PIAS1: variants seen among roughly 807,000 people sequenced by gnomAD.
PIAS1 encodes the protein E3 SUMO-protein ligase PIAS1.
A neutral mutation model predicts 71.3 loss-of-function variants in PIAS1; 6 were observed. The ratio of observed to expected loss-of-function variants is 0.08; its 90% CI spans 0.05 to 0.17. The LOEUF (loss-of-function observed/expected upper bound fraction) is 0.17, where lower values mean the gene tolerates loss of function less well. Ranked by LOEUF, PIAS1 falls within the 10% of genes least tolerant of loss-of-function variation. PIAS1 has a pLI of 1.00. For synonymous variants in PIAS1, 303 were observed against 292.9 expected, an observed-to-expected ratio of 1.03 and a Z score of -0.35; for missense variants, 555 against 793.6, an observed-to-expected ratio of 0.70 and a Z score of 3.61.
chr15:68,158,447 T>C (rs1263628717), intron 7 of PIAS1, among the ~76,000 whole-genome samples: 1 of 152,294 alleles, frequency 6.6e-6, no homozygotes, highest in African/African-American at 2.4e-5. Flanking sequence ...ACCCCCAAAA[T>C]TGATGAGTTG....
chr15:68,133,275 T>C (rs1299927645), intron 2 of PIAS1, among the ~76,000 whole-genome samples: 2 of 152,190 alleles, frequency 1.3e-5, no homozygotes, highest in East Asian at 1.9e-4. Context: ...CTTGAAGATA[T>C]GAATAAATGG....
At position 68,086,566 on chromosome 15, in the gene PIAS1, A is replaced by G. The variant is rs942113697; in HGVS notation, c.285A>G (p.Pro95=). Residue 95 remains proline, a synonymous_variant, in exon 2 of 14, where the codon CCA becomes CCG. Coordinates refer to ENST00000249636, the MANE Select transcript of PIAS1 (RefSeq NM_016166.3). This position sits in a 1 kb window ranked among gnomAD's most constrained non-coding sequence, Gnocchi z 7.2. ...MPATLSPSTI[P]QLTYDGHPAS... is the part of the protein sequence containing the mutation. ...CAACTTTGTCTCCATCTACCATTCC[A>G]CAACTCACTTACGATGGTCACCCTG... The G allele has an allele frequency of 6.2e-7, 1 of 1,613,890 alleles. No homozygotes were observed. Among genetic ancestry groups the G allele is most frequent in the Non-Finnish European group, 8.5e-7 (1 of 1,179,858 alleles).
intron 2 of PIAS1, among the ~76,000 whole-genome samples, chr15:68,125,454 TCTCCCTCTTTTTAGTGTGG>T (rs1266781236): frequency 6.6e-6 from 1 of 152,214 alleles, no homozygotes; most frequent in Non-Finnish European, 1.5e-5. Context: ...TTCTTAGTTT[TCTCCCTCTTTTTAGTGTGG>T]CATATCTCTT....
Position 68,173,583 on chromosome 15 carries a change from A to G in PIAS1, c.1009-149A>G, listed in dbSNP as rs754308713. On this transcript the variant is annotated intron_variant, in intron 8 of 13. Transcript: ENST00000249636. The surrounding 1 kb of genome is among the most constrained non-coding windows in gnomAD (Gnocchi z 4.3). ...TTAACCTATGGATATTTCACAGGAA[A>G]TGTGTTTAATGTTCTTCTACATTGA... 15 of 446,350 alleles carry G rather than the reference A, an allele frequency of 3.4e-5. No homozygotes were observed. Among genetic ancestry groups the G allele is most frequent in the Non-Finnish European group, 5.5e-5 (14 of 253,974 alleles). 27.6% of individuals were successfully genotyped at this position (446,350 alleles called of 1,614,324 possible).
intron 2 of PIAS1, among the ~76,000 whole-genome samples, chr15:68,125,720 A>C (rs901713199): frequency 2.0e-5 from 3 of 151,840 alleles, no homozygotes; most frequent in Non-Finnish European, 2.9e-5. Flanking sequence ...TCCTTTTTAG[A>C]GACAGGGTCT....
intron 7 of PIAS1, 62 bp from the exon 8 acceptor site, chr15:68,164,669 C>T (rs962398882): frequency 1.2e-6 from 1 of 842,132 alleles, no homozygotes; most frequent in Non-Finnish European, 2.0e-6. Flanking sequence ...TAGTAATGCT[C>T]CAGTAATGTA....
At chr15:68,089,467 C>G (rs898720351) in intron 2 of PIAS1, among the ~76,000 whole-genome samples, 7 of 152,162 alleles carry the variant, frequency 4.6e-5, no homozygotes, top group African/African-American at 1.7e-4. Flanking sequence ...TTTCATTTAT[C>G]TTTCTAGGCT....
At position 68,178,023 on chromosome 15, in the gene PIAS1, A is replaced by C. The variant is rs1383283343; in HGVS notation, c.1481+1369A>C. Reference sequence around the variant, plus strand: ...CAGGCATTTCTGTGCCTGGAGTCAAATCATTTTCAGGTTTGACATTGTATG... The same window carrying C: ...CAGGCATTTCTGTGCCTGGAGTCAACTCATTTTCAGGTTTGACATTGTATG... On this transcript the variant is annotated intron_variant, in intron 11 of 13. Coordinates refer to ENST00000249636, the MANE Select transcript of PIAS1 (RefSeq NM_016166.3). The surrounding 1 kb of genome is among the most constrained non-coding windows in gnomAD (Gnocchi z 4.2). Among the ~76,000 whole-genome samples, 4 of 152,228 alleles carry C rather than the reference A, an allele frequency of 2.6e-5. No homozygotes were observed. The highest frequency in any genetic ancestry group is 7.2e-5 in the African/African-American group (3 of 41,466).
intron 1 of PIAS1, chr15:68,061,506 C>CT (rs1480196218): frequency 1.3e-5 from 2 of 152,150 alleles, no homozygotes; most frequent in East Asian, 3.8e-4. Context: ...AAGAAACCAC[C>CT]TTTTTATTTT....
intron 1 of PIAS1, among the ~76,000 whole-genome samples, chr15:68,076,430 C>G (rs2092165498): frequency 6.6e-6 from 1 of 151,994 alleles, no homozygotes; most frequent in African/African-American, 2.4e-5. Context: ...TCACTTGAAC[C>G]CAGGAGGCAC....
At chr15:68,090,128 C>T (rs962432530) in intron 2 of PIAS1, among the ~76,000 whole-genome samples, 2 of 151,960 alleles carry the variant, frequency 1.3e-5, no homozygotes, top group Non-Finnish European at 2.9e-5. Flanking sequence ...GATCTTCCCA[C>T]CTTGGCCTCC....
chr15:68,155,856 A>G (rs1323209404), intron 7 of PIAS1, among the ~76,000 whole-genome samples: 1 of 152,146 alleles, frequency 6.6e-6, no homozygotes, highest in African/African-American at 2.4e-5. Context: ...TTCAAGCCTT[A>G]GCCATAATCT....
chr15:68,063,752 C>G (rs1316619700), intron 1 of PIAS1, among the ~76,000 whole-genome samples: 1 of 152,022 alleles, frequency 6.6e-6, no homozygotes, highest in Non-Finnish European at 1.5e-5. Flanking sequence ...TCTGAGGGTT[C>G]TCCAGGTCAA....
rs35000826 is a variant in PIAS1, at chr15:68,129,695, A to G, written c.470-12251A>G. ...TTTATATAGTGGATACTTTGCAGAC[A>G]TTGAAGTGGATTAGATAATTTATGT... On this transcript the variant is annotated intron_variant, in intron 2 of 13. Coordinates refer to ENST00000249636, the MANE Select transcript of PIAS1 (RefSeq NM_016166.3). Among the ~76,000 whole-genome samples the G allele has an allele frequency of 4.8e-3, 736 of 152,212 alleles. 6 individuals are homozygous for G. The highest frequency in any genetic ancestry group is 0.016 in the African/African-American group (679 of 41,558).
chr15:68,080,180 G>T (rs999533393), intron 1 of PIAS1, among the ~76,000 whole-genome samples: 8 of 152,164 alleles, frequency 5.3e-5, no homozygotes, highest in Admixed American at 1.3e-4. Context: ...GGAGCTTTTT[G>T]AAGGATAGAA....
chr15:68,130,754 A>G (rs1027007435), intron 2 of PIAS1, among the ~76,000 whole-genome samples: 5 of 152,040 alleles, frequency 3.3e-5, no homozygotes, highest in African/African-American at 1.2e-4. Context: ...AATTTATCAG[A>G]ATATTGGAGG....
chr15:68,151,771 A>G (rs1417728293), intron 6 of PIAS1, among the ~76,000 whole-genome samples: 12 of 150,776 alleles, frequency 8.0e-5, no homozygotes, highest in Admixed American at 7.9e-4. Context: ...GAGGCAGGAG[A>G]ATCACTTGAA....
chr15:68,096,098 A>T (rs138154438), intron 2 of PIAS1, among the ~76,000 whole-genome samples: 1 of 152,184 alleles, frequency 6.6e-6, no homozygotes, highest in East Asian at 1.9e-4. Context: ...TATTATCTCT[A>T]TATGTCCTTT....
At position 68,189,365 on chromosome 15, in the gene PIAS1, A is replaced by C. The variant is rs531195291; in HGVS notation, c.*1530A>C. ...GGGGCATAATGACTGCTGGTTTTCC[A>C]GACTGGATTTTCCTACCGCAACTAT... On this transcript the variant is annotated 3_prime_UTR_variant, in exon 14 of 14. Coordinates refer to ENST00000249636, the MANE Select transcript of PIAS1 (RefSeq NM_016166.3). 2.4e-4 allele frequency: 36 copies of C among 152,332 alleles called. No homozygotes were observed. The highest frequency in any genetic ancestry group is 8.2e-4 in the African/African-American group (34 of 41,590). 9.4% of individuals were successfully genotyped at this position (152,332 alleles called of 1,614,324 possible).
Sources: allele counts gnomAD v4.1 joint callset (sites outside exome capture counted in the v4.1 genomes callset), GRCh38; gene constraint gnomAD v4.1.1; non-coding constraint Gnocchi (gnomAD v3.1); transcripts MANE v1.5; gene names NCBI Gene and HGNC (gene_info 2026-07-23, HGNC 2026-07-21).